CNTNAP5: variants seen among roughly 807,000 people sequenced by gnomAD.
CNTNAP5 encodes the protein contactin associated protein family member 5, also known as contactin-associated protein-like 5.
Under a neutral mutation model 150.2 loss-of-function variants are expected in CNTNAP5, and 72 were observed. The ratio of observed to expected loss-of-function variants is 0.48; its 90% CI spans 0.40 to 0.58. The LOEUF (loss-of-function observed/expected upper bound fraction) is 0.58. Among genes scored for constraint, CNTNAP5 ranks in the 20% least tolerant of loss-of-function variants. The pLI is 0.00. For synonymous variants in CNTNAP5, 672 were observed against 619.8 expected (o/e 1.08, Z -1.25); for missense variants, 1,636 against 1,626.2 (o/e 1.01, Z -0.10).
chr2:124,768,870 T>C (rs1453633952), intron 16 of CNTNAP5, among the ~76,000 whole-genome samples: 2 of 152,184 alleles, frequency 1.3e-5, no homozygotes. Context: ...CAGGTACTAT[T>C]TTTCTAGAGA....
At chr2:124,220,689 G>A (rs1686284085) in intron 1 of CNTNAP5, among the ~76,000 whole-genome samples, 1 of 152,114 alleles carries the variant, frequency 6.6e-6, no homozygotes, top group Non-Finnish European at 1.5e-5. Flanking sequence ...GAGCTCTCTT[G>A]TTGCATCATC....
intron 19 of CNTNAP5, among the ~76,000 whole-genome samples, chr2:124,805,468 C>G (rs1682062537): frequency 6.6e-6 from 1 of 152,118 alleles, no homozygotes; most frequent in Admixed American, 6.6e-5. Context: ...CCACCTCAAC[C>G]CCAACAACTT....
intron 13 of CNTNAP5, among the ~76,000 whole-genome samples, chr2:124,716,629 T>C (rs1679950701): frequency 6.6e-6 from 1 of 152,158 alleles, no homozygotes; most frequent in African/African-American, 2.4e-5. Flanking sequence ...ACTCCTTCCA[T>C]ACTTAACAAC....
chr2:124,125,701 A>G (rs1048382162), intron 1 of CNTNAP5, among the ~76,000 whole-genome samples: 9 of 152,192 alleles, frequency 5.9e-5, no homozygotes, highest in Non-Finnish European at 1.3e-4. Flanking sequence ...AACAGAAATT[A>G]TAACAAACTG....
At chr2:124,263,889 A>G (rs1687531292) in intron 3 of CNTNAP5, among the ~76,000 whole-genome samples, 1 of 152,152 alleles carries the variant, frequency 6.6e-6, no homozygotes, top group African/African-American at 2.4e-5. Flanking sequence ...TCCCAGCACC[A>G]TTTATTAAAT....
intron 8 of CNTNAP5, among the ~76,000 whole-genome samples, chr2:124,521,108 C>T (rs1178571924): frequency 6.6e-6 from 1 of 152,152 alleles, no homozygotes; most frequent in African/African-American, 2.4e-5. Flanking sequence ...TCTTCTGACA[C>T]CTCCAATGAC....
intron 3 of CNTNAP5, among the ~76,000 whole-genome samples, chr2:124,383,190 A>T (rs1690844613): frequency 6.6e-6 from 1 of 152,182 alleles, no homozygotes; most frequent in Non-Finnish European, 1.5e-5. Context: ...TGCTGGAGTA[A>T]TAATAGTTCC....
intron 1 of CNTNAP5, among the ~76,000 whole-genome samples, chr2:124,185,141 T>G (rs928196604): frequency 6.6e-6 from 1 of 152,230 alleles, no homozygotes; most frequent in Non-Finnish European, 1.5e-5. Context: ...CTTAGTTTCC[T>G]TATTAAAATT....
chr2:124,037,360 TTTTATC>T (rs1558733289), intron 1 of CNTNAP5, among the ~76,000 whole-genome samples: 1 of 152,226 alleles, frequency 6.6e-6, no homozygotes, highest in Non-Finnish European at 1.5e-5. Flanking sequence ...GTTTCATGGA[TTTTATC>T]TTTAAATTCT....
chr2:124,528,029 C>A (rs1408562077), intron 10 of CNTNAP5, among the ~76,000 whole-genome samples: 1 of 152,148 alleles, frequency 6.6e-6, no homozygotes, highest in East Asian at 1.9e-4. Context: ...TTAGAAGTTT[C>A]TAAATGCAAA....
intron 4 of CNTNAP5, among the ~76,000 whole-genome samples, chr2:124,419,104 G>A (rs13005776): frequency 4.3e-4 from 51 of 119,870 alleles, no homozygotes; most frequent in Non-Finnish European, 6.9e-4. Flanking sequence ...ACTGCAGTCC[G>A]CCGTCCGGCC....
chr2:124,133,076 A>G (rs1407473350), intron 1 of CNTNAP5, among the ~76,000 whole-genome samples: 1 of 152,214 alleles, frequency 6.6e-6, no homozygotes. Context: ...ATGGCATGTA[A>G]TTGATCAGCA....
At chr2:124,109,230 G>A (rs1014298133) in intron 1 of CNTNAP5, among the ~76,000 whole-genome samples, 2 of 152,124 alleles carry the variant, frequency 1.3e-5, no homozygotes, top group African/African-American at 4.8e-5. Context: ...CACACACTGA[G>A]GCCTCAAACC....
intron 13 of CNTNAP5, among the ~76,000 whole-genome samples, chr2:124,708,797 T>A (rs1679747244): frequency 6.6e-6 from 1 of 152,198 alleles, no homozygotes; most frequent in Non-Finnish European, 1.5e-5. Flanking sequence ...TGCTGAGTTC[T>A]CTAAGCCAGA....
intron 1 of CNTNAP5, among the ~76,000 whole-genome samples, chr2:124,206,760 T>A (rs1212187760): frequency 6.6e-6 from 1 of 152,156 alleles, no homozygotes; most frequent in Non-Finnish European, 1.5e-5. Context: ...AGAAGCTCTG[T>A]CCCAGGGAGT....
chr2:124,033,292 A>G (rs1288612089), intron 1 of CNTNAP5, among the ~76,000 whole-genome samples: 1 of 152,342 alleles, frequency 6.6e-6, no homozygotes, highest in East Asian at 1.9e-4. Flanking sequence ...ATTTTTAACT[A>G]TCCACCTTTA....
chr2:124,351,718 G>T (rs1689878308), intron 3 of CNTNAP5, among the ~76,000 whole-genome samples: 1 of 152,166 alleles, frequency 6.6e-6, no homozygotes, highest in South Asian at 2.1e-4. Flanking sequence ...TTAGTTAAAA[G>T]ACCTGGGGCA....
At chr2:124,128,317 A>G (rs1432697267) in intron 1 of CNTNAP5, among the ~76,000 whole-genome samples, 3 of 152,228 alleles carry the variant, frequency 2.0e-5, no homozygotes, top group African/African-American at 4.8e-5. Flanking sequence ...AAAAATGCTC[A>G]TCATCACTGG....
chr2:124,138,683 G>A (rs561437870), intron 1 of CNTNAP5, among the ~76,000 whole-genome samples: 16 of 152,218 alleles, frequency 1.1e-4, no homozygotes, highest in Admixed American at 3.3e-4. Flanking sequence ...ATTGGTCCCC[G>A]AGTTTGAGAG....
Sources: gnomAD v4.1 joint callset for allele counts (sites outside exome capture counted in the v4.1 genomes callset) on GRCh38, gnomAD v4.1.1 for gene constraint, MANE v1.5 for transcripts, NCBI Gene and HGNC (gene_info 2026-07-23, HGNC 2026-07-21) for gene names.